The following PCDHA9 variants were observed in gnomAD, a reference collection of about 807,000 sequenced individuals.
PCDHA9 encodes the protein protocadherin alpha 9, also known as protocadherin alpha-9.
A neutral mutation model predicts 62.0 loss-of-function variants in PCDHA9; 62 were observed. The observed-to-expected ratio is 1.00, with a 90% CI of 0.81 to 1.23. The LOEUF is 1.23. Among genes scored for constraint, PCDHA9 ranks in the 50% most tolerant of loss-of-function variants. The pLI is 0.00. For synonymous variants in PCDHA9, 557 were observed against 567.6 expected (o/e 0.98, Z 0.27); for missense variants, 1,205 against 1,249.8 (o/e 0.96, Z 0.54).
rs912184171 is a variant in PCDHA9 at position 140,852,142 on chromosome 5, T to G, written c.2394+1253T>G. 6 of 876,650 alleles carry G rather than the reference T, an allele frequency of 6.8e-6. No individual in the cohort carries two copies. In the African/African-American group the frequency reaches 1.1e-4, roughly 16 times the overall value. The allele number at this position is 876,650 out of a possible 1,614,324, so 54.3% of individuals were successfully genotyped here. ...TAATTAAAAACTCAGTAGAGAAAGA[T>G]CAGAATGGCCTTGAGAATAGAGCCA... On this transcript the variant is annotated intron_variant, in intron 1 of 3. Transcript: ENST00000532602.
intron 1 of PCDHA9, chr5:140,928,403 G>A (rs1554205862): frequency 6.2e-7 from 1 of 1,613,964 alleles, no homozygotes; most frequent in Non-Finnish European, 8.5e-7. Context: ...GAATCATCCA[G>A]TGGGGCCATC....
In PCDHA9 at chr5:140,857,269, G is replaced by T. The variant is rs375802816; in HGVS notation, c.2394+6380G>T. 8.1e-6 allele frequency: 13 copies of T among 1,598,726 alleles called. 1 individual carries two copies. The highest frequency in any genetic ancestry group is 1.1e-5 in the South Asian group (1 of 90,558). On this transcript the variant is annotated intron_variant, in intron 1 of 3. Coordinates refer to ENST00000532602, the MANE Select transcript of PCDHA9 (RefSeq NM_031857.2). ...CCTACAAGAATTACTACTCATTGGT[G>T]CTGGACAGCGCTCTGGACCGCGAGA... is the stretch of plus-strand genomic sequence containing the variant.
rs76093196 is a variant in PCDHA9, at chr5:140,971,173, C to G, written c.2395-7776C>G. Reference sequence around the variant, plus strand: ...AGGCCAGGCTCAGCTTTGCCACCAGCTGTAAGCCGGAAGCTCAGAGGAAAG... The same window carrying G: ...AGGCCAGGCTCAGCTTTGCCACCAGGTGTAAGCCGGAAGCTCAGAGGAAAG... On this transcript the variant is annotated intron_variant, in intron 1 of 3. Transcript: ENST00000532602. Among the ~76,000 whole-genome samples the G allele has an allele frequency of 3.8e-3, 583 of 152,260 alleles. 1 individual carries two copies. Among genetic ancestry groups the G allele is most frequent in the Non-Finnish European group, 7.2e-3 (492 of 68,018 alleles).
chr5:140,959,347 C>T (rs561977478), intron 1 of PCDHA9, among the ~76,000 whole-genome samples: 4 of 151,938 alleles, frequency 2.6e-5, no homozygotes, highest in Admixed American at 6.6e-5. Context: ...TGCACTCCAG[C>T]GGGACAACTG....
At chr5:140,851,413 C>A in intron 1 of PCDHA9, 1 of 961,744 alleles carries the variant, frequency 1.0e-6, no homozygotes, top group Non-Finnish European at 1.3e-6. Flanking sequence ...AAGAAAGAAA[C>A]TTCCCCTAAA....
intron 3 of PCDHA9, among the ~76,000 whole-genome samples, chr5:140,994,339 A>T (rs1279466681): frequency 6.6e-6 from 1 of 152,146 alleles, no homozygotes; most frequent in Non-Finnish European, 1.5e-5. Context: ...TGAACAGTGG[A>T]TGTTGTGGGA....
intron 1 of PCDHA9, among the ~76,000 whole-genome samples, chr5:140,941,215 C>CTTTCTTTCTTTCTTTCTT (rs2092888517): frequency 9.6e-6 from 1 of 104,510 alleles, no homozygotes; most frequent in East Asian, 2.4e-4. Flanking sequence ...TTCTTTCTTC[C>CTTTCTTTCTTTCTTTCTT]TTTCTTTCTT....
Position 141,000,421 on chromosome 5 carries a change from A to ATTTTTTT in PCDHA9, c.2543-9189_2543-9183dup, listed in dbSNP as rs34755515. Among the ~76,000 whole-genome samples the ATTTTTTT allele has an allele frequency of 5.7e-4, 16 of 27,980 alleles. 1 individual carries two copies. Among genetic ancestry groups the ATTTTTTT allele is most frequent in the African/African-American group, 8.9e-4 (5 of 5,638 alleles). 18.4% of individuals were successfully genotyped at this position (27,980 alleles called of 152,430 possible). ...TATATATATATATATATATATATAT[A>ATTTTTTT]TTTTTTTTTTTTTTTTTTTTTTTGA... On this transcript the variant is annotated intron_variant, in intron 3 of 3. Coordinates refer to ENST00000532602, the MANE Select transcript of PCDHA9 (RefSeq NM_031857.2).
chr5:140,857,746 G>C lies in PCDHA9; in HGVS notation c.2394+6857G>C. 5.0e-6 allele frequency: 8 copies of C among 1,597,368 alleles called. No homozygotes were observed. In the South Asian group the frequency reaches 8.8e-5, roughly 18 times the overall value. On this transcript the variant is annotated intron_variant, in intron 1 of 3. Coordinates refer to ENST00000532602, the MANE Select transcript of PCDHA9 (RefSeq NM_031857.2). ...ACGACAACGCTCCCGCGCTGCTGGC[G>C]TCTCCCGCTGGCAGCGCGGGCGGTG...
chr5:140,894,790 T>G lies in PCDHA9; in HGVS notation c.2394+43901T>G, dbSNP rs943284227. On this transcript the variant is annotated intron_variant, in intron 1 of 3. Coordinates refer to ENST00000532602, the MANE Select transcript of PCDHA9 (RefSeq NM_031857.2). ...TCCTTTAGTGTAATTATTTGTCCTC[T>G]CCTTTAAAAATAATTTTATATCAGA... Among the ~76,000 whole-genome samples, 13 of 152,282 alleles carry G rather than the reference T, an allele frequency of 8.5e-5. No individual in the cohort carries two copies. The South Asian group carries it at 2.5e-3, about 29-fold the overall frequency.
At chr5:140,945,761 G>T (rs2093839627) in intron 1 of PCDHA9, among the ~76,000 whole-genome samples, 1 of 152,118 alleles carries the variant, frequency 6.6e-6, no homozygotes, top group East Asian at 1.9e-4. Flanking sequence ...AATGGTGGTG[G>T]GACAATTTGA....
At chr5:140,884,607 T>C (rs1554181780) in intron 1 of PCDHA9, 1 of 1,614,044 alleles carries the variant, frequency 6.2e-7, no homozygotes, top group Non-Finnish European at 8.5e-7. Flanking sequence ...CCTCCTTGTC[T>C]GGGTTCTGCA....
chr5:140,930,453 C>G (rs1195640207), intron 1 of PCDHA9: 6 of 152,300 alleles, frequency 3.9e-5, no homozygotes, highest in African/African-American at 1.5e-4. Flanking sequence ...AAACTCCTAG[C>G]CTCAAGTGAT....
chr5:140,953,364 G>T (rs1177357093), intron 1 of PCDHA9, among the ~76,000 whole-genome samples: 1 of 152,088 alleles, frequency 6.6e-6, no homozygotes, highest in Non-Finnish European at 1.5e-5. Flanking sequence ...TGCACTCAAG[G>T]ATTCTCTACC....
chr5:140,901,069 T>C (rs1175492593), intron 1 of PCDHA9, among the ~76,000 whole-genome samples: 2 of 152,186 alleles, frequency 1.3e-5, no homozygotes, highest in Admixed American at 6.5e-5. Context: ...GATTTTTTTT[T>C]CTATAGAGTT....
At chr5:140,897,187 TA>T (rs1554187233) in intron 1 of PCDHA9, among the ~76,000 whole-genome samples, 7 of 152,166 alleles carry the variant, frequency 4.6e-5, no homozygotes, top group Non-Finnish European at 1.0e-4. Context: ...TCAAAAAATA[TA>T]TTTTTTTATT....
intron 1 of PCDHA9, among the ~76,000 whole-genome samples, chr5:140,896,590 T>G (rs1338982892): frequency 6.6e-6 from 1 of 152,032 alleles, no homozygotes; most frequent in Non-Finnish European, 1.5e-5. Flanking sequence ...TTGGCCAGGC[T>G]GGTCTCGAAC....
intron 2 of PCDHA9, among the ~76,000 whole-genome samples, chr5:140,980,367 C>A (rs1245361324): frequency 2.6e-5 from 4 of 152,174 alleles, no homozygotes; most frequent in Non-Finnish European, 5.9e-5. Flanking sequence ...CGCGGTGGCT[C>A]ACACCTGTAA....
At chr5:140,998,687 C>T (rs922040842) in intron 3 of PCDHA9, among the ~76,000 whole-genome samples, 9 of 152,042 alleles carry the variant, frequency 5.9e-5, no homozygotes, top group Non-Finnish European at 1.5e-5. Flanking sequence ...GCCTCAGCCT[C>T]CCAAGTAGCT....
Sources: gnomAD v4.1 joint callset for allele counts (sites outside exome capture counted in the v4.1 genomes callset) on GRCh38, gnomAD v4.1.1 for gene constraint, MANE v1.5 for transcripts, NCBI Gene and HGNC (gene_info 2026-07-23, HGNC 2026-07-21) for gene names.